The following GRK4 variants were observed in gnomAD, a reference collection of about 807,000 sequenced individuals.
The protein encoded by GRK4 is G protein-coupled receptor kinase 2-like.
GRK4 carries 73 observed loss-of-function variants against 77.9 expected under a neutral mutation model. The observed-to-expected ratio is 0.94, with a 90% CI of 0.78 to 1.14. The LOEUF is 1.14. Ranked by LOEUF, GRK4 falls within the 50% of genes most tolerant of loss-of-function variation. The probability of loss-of-function intolerance (pLI) is 0.00; values close to 1 mark genes in which losing one functional copy is unlikely to be tolerated. For synonymous variants in GRK4, 257 were observed against 254.4 expected, an observed-to-expected ratio of 1.01 and a Z score of -0.10; for missense variants, 729 against 700.2, an observed-to-expected ratio of 1.04 and a Z score of -0.46.
chr4:3,006,000 G>A (rs1322217390), intron 5 of GRK4, among the ~76,000 whole-genome samples: 3 of 152,030 alleles, frequency 2.0e-5, no homozygotes, highest in Non-Finnish European at 4.4e-5. Context: ...CCAGGTGTAT[G>A]GCACCGGACT....
Position 3,038,525 on chromosome 4 carries a change from T to A in GRK4, c.1683+12T>A. 6.3e-7 allele frequency: 1 copy of A among 1,589,492 alleles called. No homozygotes were observed. Among genetic ancestry groups the A allele is most frequent in the South Asian group, 1.1e-5 (1 of 88,568 alleles). On this transcript the variant is annotated intron_variant, in intron 15 of 15. Coordinates refer to ENST00000398052, the MANE Select transcript of GRK4 (RefSeq NM_182982.3). ...TCTTCAGAAGAGGGGTAAAAAGACT[T>A]AAAAACTAATATATGTGTGTGTATG... is the stretch of plus-strand genomic sequence containing the variant.
intron 13 of GRK4, 57 bp downstream of exon 13, chr4:3,035,580 T>A: frequency 6.5e-7 from 1 of 1,527,026 alleles, no homozygotes; most frequent in Non-Finnish European, 8.8e-7. Context: ...CACAGCACGG[T>A]TTTTCTCTTT....
In GRK4 at chr4:2,984,582, A is replaced by G. The variant is rs572390378; in HGVS notation, c.122A>G (p.Gln41Arg). The G allele has an allele frequency of 1.2e-6, 2 of 1,612,078 alleles. No individual in the cohort carries two copies. The highest frequency in any genetic ancestry group is 2.2e-5 in the South Asian group (2 of 90,848). Residue 41 changes from glutamine (Q) to arginine (R), a missense_variant, in exon 2 of 16, where the codon CAG (glutamine) becomes CGG (arginine). Gln to Arg is a conservative substitution (Grantham distance 43). Coordinates refer to ENST00000398052, the MANE Select transcript of GRK4 (RefSeq NM_182982.3). The stretch of plus-strand genomic sequence containing the variant: ...ATACTGACACTGCCTCCTGTCAGCC[A>G]GTGCAGTGAGCTTAGACATTCCATT... ...KEILTLPPVS[Q>R]CSELRHSIEK...
intron 1 of GRK4, among the ~76,000 whole-genome samples, chr4:2,977,435 GT>G (rs1721554458): frequency 6.6e-6 from 1 of 152,158 alleles, no homozygotes; most frequent in African/African-American, 2.4e-5. Context: ...TTTACCCAGG[GT>G]TTTTTATTAG....
intron 12 of GRK4, among the ~76,000 whole-genome samples, chr4:3,032,856 C>T (rs1271637908): frequency 6.6e-6 from 1 of 152,222 alleles, no homozygotes; most frequent in Non-Finnish European, 1.5e-5. Flanking sequence ...CGACGTCACA[C>T]AGCAACTGCT....
intron 4 of GRK4, among the ~76,000 whole-genome samples, chr4:2,998,084 G>A (rs187472597): frequency 6.6e-6 from 1 of 152,158 alleles, no homozygotes; most frequent in South Asian, 2.1e-4. Context: ...TTCACCAGGC[G>A]CAGTGGCTCA....
chr4:2,967,814 T>C (rs1021016981), intron 1 of GRK4, among the ~76,000 whole-genome samples: 2 of 152,084 alleles, frequency 1.3e-5, no homozygotes, highest in African/African-American at 4.8e-5. Context: ...GGCGTCGTTT[T>C]GCTCTTGTTG....
At chr4:3,037,805 G>C (rs1303348405) in intron 14 of GRK4, among the ~76,000 whole-genome samples, 1 of 151,786 alleles carries the variant, frequency 6.6e-6, no homozygotes, top group Non-Finnish European at 1.5e-5. Flanking sequence ...GTCCCAGCTA[G>C]TAGGGATGCT....
intron 6 of GRK4, 99 bp downstream of exon 6, chr4:3,007,927 C>A: frequency 1.3e-6 from 1 of 759,198 alleles, no homozygotes; most frequent in South Asian, 1.8e-5. Context: ...TGCTTAAGCC[C>A]AAGACTTCAA....
At position 2,963,937 on chromosome 4, in the gene GRK4, C is replaced by T. The variant is rs774716937; in HGVS notation, c.-134C>T. On this transcript the variant is annotated 5_prime_UTR_variant, in exon 1 of 16. Transcript: ENST00000398052. ...CAGTGGTGGCGGCGGAGCAGCCTCC[C>T]GGGATCGTGTCCGGAGCTCGAGGAG... is the stretch of plus-strand genomic sequence containing the variant. 4.8e-6 allele frequency: 4 copies of T among 838,402 alleles called. No individual in the cohort carries two copies. The highest frequency in any genetic ancestry group is 2.7e-5 in the East Asian group (1 of 37,048). The allele number at this position is 838,402 out of a possible 1,614,324, so 51.9% of individuals were successfully genotyped here. A position where few individuals can be genotyped will look rare whatever the true frequency, so the allele number is the denominator to read the frequency against.
intron 7 of GRK4, 94 bp downstream of exon 7, chr4:3,009,805 A>T: frequency 1.2e-6 from 1 of 829,740 alleles, no homozygotes; most frequent in Non-Finnish European, 2.0e-6. Flanking sequence ...CAGCTCTCCC[A>T]GTACACTGTT....
At chr4:2,979,479 C>T (rs1368074087) in intron 1 of GRK4, among the ~76,000 whole-genome samples, 3 of 151,376 alleles carry the variant, frequency 2.0e-5, no homozygotes, top group Admixed American at 6.6e-5. Flanking sequence ...TTGGGGAGGC[C>T]GAGGCGGGCG....
chr4:2,975,516 G>A (rs1386687776), intron 1 of GRK4, among the ~76,000 whole-genome samples: 1 of 152,126 alleles, frequency 6.6e-6, no homozygotes, highest in Admixed American at 6.6e-5. Flanking sequence ...TCAGCAAAAG[G>A]GCCCTGTGCG....
At chr4:3,010,313 G>A (rs1234575293) in intron 7 of GRK4, among the ~76,000 whole-genome samples, 3 of 152,020 alleles carry the variant, frequency 2.0e-5, no homozygotes, top group Non-Finnish European at 4.4e-5. Context: ...CACAACCTCC[G>A]CCTCCTGAGT....
intron 5 of GRK4, among the ~76,000 whole-genome samples, chr4:3,006,108 G>A (rs1731250131): frequency 6.6e-6 from 1 of 152,094 alleles, no homozygotes; most frequent in Admixed American, 6.6e-5. Context: ...GGCCAGGCAT[G>A]GTGGCTCACG....
chr4:3,014,764 T>A (rs564254401), intron 8 of GRK4, among the ~76,000 whole-genome samples: 1 of 152,080 alleles, frequency 6.6e-6, no homozygotes, highest in African/African-American at 2.4e-5. Context: ...ACCACCGCAC[T>A]CCAGCCTGGG....
At chr4:2,973,470 G>C (rs1417798757) in intron 1 of GRK4, among the ~76,000 whole-genome samples, 1 of 152,104 alleles carries the variant, frequency 6.6e-6, no homozygotes, top group African/African-American at 2.4e-5. Flanking sequence ...TGACATCGCT[G>C]TATGGAAGCC....
chr4:2,987,962 G>C (rs905270164), intron 2 of GRK4, among the ~76,000 whole-genome samples: 2 of 151,566 alleles, frequency 1.3e-5, no homozygotes, highest in Non-Finnish European at 2.9e-5. Context: ...TATAATCCAA[G>C]GTACTCAGGA....
chr4:2,984,811 A>G (rs1317463041), intron 2 of GRK4, among the ~76,000 whole-genome samples: 1 of 152,026 alleles, frequency 6.6e-6, no homozygotes, highest in Non-Finnish European at 1.5e-5. Context: ...CTTTTTCATT[A>G]AAAATATATA....
Sources: allele counts gnomAD v4.1 joint callset (sites outside exome capture counted in the v4.1 genomes callset), GRCh38; gene constraint gnomAD v4.1.1; transcripts MANE v1.5; gene names NCBI Gene and HGNC (gene_info 2026-07-23, HGNC 2026-07-21).